Variants in RORA observed in about 807,000 individuals in gnomAD.
The protein encoded by RORA is RAR related orphan receptor A, also known as nuclear receptor ROR-alpha.
RORA carries 7 observed loss-of-function variants against 69.5 expected under a neutral mutation model. That is an observed-to-expected ratio of 0.10 (90% confidence interval 0.06 to 0.19). The LOEUF (loss-of-function observed/expected upper bound fraction) is 0.19, where lower values mean the gene tolerates loss of function less well. Ranked by LOEUF, RORA falls within the 10% of genes least tolerant of loss-of-function variation. The pLI is 1.00. For missense variants in RORA, 457 were observed against 663.0 expected, an observed-to-expected ratio of 0.69 and a Z score of 3.41; for synonymous variants, 261 against 240.8, an observed-to-expected ratio of 1.08 and a Z score of -0.78.
intron 1 of RORA, among the ~76,000 whole-genome samples, chr15:60,721,334 C>A (rs2071291077): frequency 6.6e-6 from 1 of 152,168 alleles, no homozygotes; most frequent in Admixed American, 6.5e-5. Context: ...AAGAGCTAGA[C>A]AAATAAATTT....
At chr15:60,894,544 G>A (rs927051525) in intron 1 of RORA, among the ~76,000 whole-genome samples, 2 of 152,210 alleles carry the variant, frequency 1.3e-5, no homozygotes, top group African/African-American at 2.4e-5. Context: ...TTATTTTGGA[G>A]GATGGTTCCT....
At chr15:61,178,832 G>A (rs938780958) in intron 1 of RORA, among the ~76,000 whole-genome samples, 4 of 152,126 alleles carry the variant, frequency 2.6e-5, no homozygotes, top group African/African-American at 9.7e-5. Flanking sequence ...TGACACCCAT[G>A]GCAAGTCCTT....
At chr15:60,649,694 GTGT>G (rs1328304002) in intron 2 of RORA, among the ~76,000 whole-genome samples, 1 of 152,162 alleles carries the variant, frequency 6.6e-6, no homozygotes, top group Non-Finnish European at 1.5e-5. Context: ...TTTTCTCCCT[GTGT>G]TGTTCTTGGG....
intron 1 of RORA, among the ~76,000 whole-genome samples, chr15:60,801,215 G>A (rs938266910): frequency 1.3e-5 from 2 of 152,168 alleles, no homozygotes; most frequent in Non-Finnish European, 2.9e-5. Context: ...GTGAACTTGG[G>A]TGGAAAGGTT....
intron 1 of RORA, among the ~76,000 whole-genome samples, chr15:60,781,188 G>T (rs2072247926): frequency 6.6e-6 from 1 of 152,158 alleles, no homozygotes; most frequent in South Asian, 2.1e-4. Flanking sequence ...GAGTGGGGAC[G>T]ACTGAGCCTA....
intron 1 of RORA, among the ~76,000 whole-genome samples, chr15:60,811,572 G>A (rs1045627086): frequency 2.0e-5 from 3 of 152,164 alleles, no homozygotes; most frequent in African/African-American, 7.2e-5. Flanking sequence ...TTCTGTCTAA[G>A]CTCCTTCATT....
intron 2 of RORA, chr15:60,592,682 C>T (rs2068568109): frequency 9.4e-7 from 1 of 1,058,444 alleles, no homozygotes. Context: ...AGCGCCGCGC[C>T]CCGCCCCGCC....
chr15:61,127,335 C>A (rs955740636), intron 1 of RORA, among the ~76,000 whole-genome samples: 3 of 152,094 alleles, frequency 2.0e-5, no homozygotes, highest in Non-Finnish European at 2.9e-5. Context: ...CTCATGCAGA[C>A]TATTAAACAA....
intron 1 of RORA, among the ~76,000 whole-genome samples, chr15:60,961,384 C>T (rs1893409560): frequency 6.6e-6 from 1 of 152,152 alleles, no homozygotes; most frequent in African/African-American, 2.4e-5. Flanking sequence ...CCTCAATCTT[C>T]CCACCTGAGA....
intron 1 of RORA, among the ~76,000 whole-genome samples, chr15:60,865,655 T>C (rs2073479179): frequency 6.6e-6 from 1 of 152,198 alleles, no homozygotes; most frequent in African/African-American, 2.4e-5. Context: ...GCCTGACTCA[T>C]CTTTTGTCTA....
At chr15:60,612,709 C>T (rs2069126650) in intron 2 of RORA, among the ~76,000 whole-genome samples, 1 of 142,756 alleles carries the variant, frequency 7.0e-6, no homozygotes, top group Non-Finnish European at 1.5e-5. Flanking sequence ...TTACTCTGTC[C>T]CCAGGGGTAA....
intron 1 of RORA, among the ~76,000 whole-genome samples, chr15:60,832,668 A>C (rs186320028): frequency 9.2e-5 from 14 of 152,320 alleles, no homozygotes; most frequent in African/African-American, 3.1e-4. Flanking sequence ...TGAAAAAAAA[A>C]ATGGAGGTGG....
At chr15:61,094,390 A>T (rs1328063113) in intron 1 of RORA, among the ~76,000 whole-genome samples, 1 of 152,178 alleles carries the variant, frequency 6.6e-6, no homozygotes, top group Non-Finnish European at 1.5e-5. Flanking sequence ...CGTATGATCT[A>T]ATCAAGCAGA....
intron 1 of RORA, among the ~76,000 whole-genome samples, chr15:61,112,963 G>C (rs1258384274): frequency 2.0e-5 from 3 of 152,222 alleles, no homozygotes; most frequent in African/African-American, 7.2e-5. Flanking sequence ...TGTCCTGCAA[G>C]TTCTTTTGGA....
In RORA at chr15:61,147,714, T is replaced by C. The variant is rs2079361429; in HGVS notation, c.166+81339A>G. On this transcript the variant is annotated intron_variant, in intron 1 of 10. Transcript: ENST00000335670. The surrounding 1 kb of genome is among the most constrained non-coding windows in gnomAD (Gnocchi z 4.1). ...AAGTGTCCTAGCTGGAGTTAACCCATGACTTCAGTCCTAAAAGAAAGGTTG... is the reference window on the plus strand; with the variant it reads ...AAGTGTCCTAGCTGGAGTTAACCCACGACTTCAGTCCTAAAAGAAAGGTTG... 6.6e-6 allele frequency among the ~76,000 whole-genome samples: 1 copy of C among 151,768 alleles called. No individual in the cohort carries two copies. Among genetic ancestry groups the C allele is most frequent in the South Asian group, 2.1e-4 (1 of 4,814 alleles).
At chr15:60,787,126 T>A (rs1324755866) in intron 1 of RORA, among the ~76,000 whole-genome samples, 1 of 152,164 alleles carries the variant, frequency 6.6e-6, no homozygotes, top group African/African-American at 2.4e-5. Context: ...TGCAAAGGTG[T>A]AGTCCATGGA....
intron 1 of RORA, among the ~76,000 whole-genome samples, chr15:61,114,356 T>G (rs1404739553): frequency 6.6e-6 from 1 of 152,100 alleles, no homozygotes; most frequent in African/African-American, 2.4e-5. Flanking sequence ...TTAAAAAACT[T>G]GGTGGGGAAA....
intron 1 of RORA, chr15:60,849,103 C>G (rs1203548141): frequency 6.6e-6 from 1 of 152,188 alleles, no homozygotes; most frequent in Non-Finnish European, 1.5e-5. Context: ...CTGGGTTCTT[C>G]TTTTTGTATC....
intron 2 of RORA, among the ~76,000 whole-genome samples, chr15:60,564,701 A>G (rs1049600606): frequency 2.6e-4 from 40 of 152,200 alleles, no homozygotes; most frequent in African/African-American, 9.7e-4. Context: ...ACTTTCAACA[A>G]GTTTATCACT....
Sources: gnomAD v4.1 joint callset for allele counts (sites outside exome capture counted in the v4.1 genomes callset) on GRCh38, gnomAD v4.1.1 for gene constraint, Gnocchi (gnomAD v3.1) non-coding constraint, MANE v1.5 for transcripts, NCBI Gene and HGNC (gene_info 2026-07-23, HGNC 2026-07-21) for gene names.